The following IGF1 variants were observed in gnomAD, a reference collection of about 807,000 sequenced individuals.
IGF1 encodes insulin-like growth factor 1.
A neutral mutation model predicts 13.8 loss-of-function variants in IGF1; 4 were observed. The observed-to-expected ratio is 0.29, with a 90% CI of 0.14 to 0.66. The LOEUF is 0.66. Ranked by LOEUF, IGF1 falls within the 30% of genes least tolerant of loss-of-function variation. The pLI, the probability that IGF1 is intolerant of heterozygous loss-of-function variation, is 0.78. For synonymous variants in IGF1, 76 were observed against 72.6 expected (o/e 1.05, Z -0.23); for missense variants, 124 against 188.5 (o/e 0.66, Z 2.00).
intron 2 of IGF1, among the ~76,000 whole-genome samples, chr12:102,429,310 A>G (rs183313098): frequency 6.4e-4 from 97 of 152,266 alleles, no homozygotes; most frequent in Non-Finnish European, 8.1e-4. Context: ...AAACATGACC[A>G]TGAAACTGTA....
chr12:102,465,050 G>C (rs12423791), intron 2 of IGF1, among the ~76,000 whole-genome samples: 4,890 of 152,294 alleles, frequency 0.032, 304 homozygotes, highest in East Asian at 0.27. Flanking sequence ...GTGATACTGA[G>C]TGAGCATTCT....
At chr12:102,414,695 A>T (rs1024926974) in intron 3 of IGF1, among the ~76,000 whole-genome samples, 1 of 152,156 alleles carries the variant, frequency 6.6e-6, no homozygotes, top group Non-Finnish European at 1.5e-5. Flanking sequence ...AAGTGCTAGG[A>T]TTACAGGCAT....
At chr12:102,405,233 C>T (rs978701493) in intron 3 of IGF1, among the ~76,000 whole-genome samples, 14 of 128,150 alleles carry the variant, frequency 1.1e-4, no homozygotes, top group East Asian at 5.1e-4. Flanking sequence ...ATTACAGGCA[C>T]GCGCCATCAT....
At chr12:102,417,520 G>T in intron 3 of IGF1, 1 of 1,054,040 alleles carries the variant, frequency 9.5e-7, no homozygotes, top group Non-Finnish European at 1.2e-6. Context: ...ATTTAATTGT[G>T]TTTTAGAGGC....
intron 3 of IGF1, among the ~76,000 whole-genome samples, chr12:102,414,448 G>A (rs1256985846): frequency 6.6e-6 from 1 of 151,976 alleles, no homozygotes; most frequent in African/African-American, 2.4e-5. Context: ...TTGAGACAGA[G>A]TCTCACTCTG....
intron 2 of IGF1, among the ~76,000 whole-genome samples, chr12:102,452,131 G>A (rs1255844879): frequency 2.0e-5 from 3 of 151,326 alleles, no homozygotes; most frequent in Non-Finnish European, 2.9e-5. Context: ...GCGTGGTAGC[G>A]GGCGCCTGTA....
At chr12:102,417,810 C>T in intron 3 of IGF1, 2 of 1,613,728 alleles carry the variant, frequency 1.2e-6, no homozygotes, top group Non-Finnish European at 1.7e-6. Flanking sequence ...GTTTAATCCT[C>T]CTGTCCTTCA....
intron 2 of IGF1, among the ~76,000 whole-genome samples, chr12:102,456,567 G>A (rs773547995): frequency 1.3e-4 from 20 of 151,758 alleles, no homozygotes; most frequent in South Asian, 8.3e-4. Flanking sequence ...TCTCTTTGGC[G>A]TTCCATGCTT....
In IGF1 at chr12:102,474,487, C is replaced by G. The variant is rs144116950; in HGVS notation, c.220+1156G>C. Among the ~76,000 whole-genome samples, 357 of 152,324 alleles carry G rather than the reference C, an allele frequency of 2.3e-3. 1 individual carries two copies. The highest frequency in any genetic ancestry group is 8.3e-3 in the African/African-American group (346 of 41,574). ...TTCTTCCCATCTCCCTTACTGATCT[C>G]CAGACTGGTATACACAGGCCACCCT... On this transcript the variant is annotated intron_variant, in intron 2 of 3. Coordinates refer to ENST00000337514, the MANE Select transcript of IGF1 (RefSeq NM_000618.5).
chr12:102,437,425 C>G (rs1340158778), intron 2 of IGF1, among the ~76,000 whole-genome samples: 5 of 152,218 alleles, frequency 3.3e-5, no homozygotes, highest in Non-Finnish European at 7.3e-5. Flanking sequence ...GTTAATTGTT[C>G]CTTTGCTGTG....
intron 3 of IGF1, among the ~76,000 whole-genome samples, chr12:102,410,905 A>G (rs1295183223): frequency 6.6e-6 from 1 of 152,200 alleles, no homozygotes; most frequent in Non-Finnish European, 1.5e-5. Flanking sequence ...CCTCTGTTTG[A>G]GGTTGATGGG....
chr12:102,419,054 G>T (rs1216033326), intron 3 of IGF1, among the ~76,000 whole-genome samples: 1 of 152,172 alleles, frequency 6.6e-6, no homozygotes, highest in Non-Finnish European at 1.5e-5. Flanking sequence ...CATTAACGAT[G>T]GTCCAACAAT....
intron 2 of IGF1, among the ~76,000 whole-genome samples, chr12:102,428,994 G>C (rs1267936673): frequency 2.6e-5 from 4 of 152,156 alleles, no homozygotes; most frequent in Non-Finnish European, 4.4e-5. Context: ...AAAATCAGAA[G>C]ATAAAGATTA....
chr12:102,473,584 T>C (rs1027533743), intron 2 of IGF1, among the ~76,000 whole-genome samples: 1 of 152,190 alleles, frequency 6.6e-6, no homozygotes, highest in African/African-American at 2.4e-5. Context: ...ACACACATAT[T>C]TTCAATGACA....
chr12:102,417,540 T>G, intron 3 of IGF1: 1 of 1,138,500 alleles, frequency 8.8e-7, no homozygotes, highest in Non-Finnish European at 1.1e-6. Context: ...CAGAGAATAG[T>G]GTGTCTTTTT....
At chr12:102,457,735 A>T (rs1879536582) in intron 2 of IGF1, among the ~76,000 whole-genome samples, 1 of 152,216 alleles carries the variant, frequency 6.6e-6, no homozygotes, top group South Asian at 2.1e-4. Flanking sequence ...TAAGAGAAAA[A>T]AATGTTATTT....
At chr12:102,435,767 G>T (rs1345344036) in intron 2 of IGF1, among the ~76,000 whole-genome samples, 1 of 152,144 alleles carries the variant, frequency 6.6e-6, no homozygotes, top group Non-Finnish European at 1.5e-5. Flanking sequence ...CATACTAGTG[G>T]TTTTCAAACT....
At chr12:102,448,816 A>G (rs1440907232) in intron 2 of IGF1, among the ~76,000 whole-genome samples, 1 of 152,144 alleles carries the variant, frequency 6.6e-6, no homozygotes, top group Non-Finnish European at 1.5e-5. Context: ...ATCACTGGTC[A>G]TTAGAGAAAT....
intron 2 of IGF1, among the ~76,000 whole-genome samples, chr12:102,459,066 A>G (rs1392717367): frequency 6.6e-6 from 1 of 152,184 alleles, no homozygotes; most frequent in Non-Finnish European, 1.5e-5. Flanking sequence ...ATGTGCCAAT[A>G]TGAAGTGGAG....
Sources: allele counts gnomAD v4.1 joint callset (sites outside exome capture counted in the v4.1 genomes callset), GRCh38; gene constraint gnomAD v4.1.1; transcripts MANE v1.5; gene names NCBI Gene and HGNC (gene_info 2026-07-23, HGNC 2026-07-21).